Variants in NRG4 observed in about 807,000 individuals in gnomAD.
NRG4 encodes the protein pro-neuregulin-4, membrane-bound isoform.
Under a neutral mutation model 15.0 loss-of-function variants are expected in NRG4, and 10 were observed. That is an observed-to-expected ratio of 0.67 (90% CI 0.41 to 1.13). NRG4 has a LOEUF of 1.13. NRG4 is among the 50% of genes most tolerant of loss of function. The probability of loss-of-function intolerance (pLI) is 0.00; values close to 1 mark genes in which losing one functional copy is unlikely to be tolerated. For synonymous variants in NRG4, 41 were observed against 50.1 expected, an observed-to-expected ratio of 0.82 and a Z score of 0.77; for missense variants, 139 against 140.2, an observed-to-expected ratio of 0.99 and a Z score of 0.04.
intron 5 of NRG4, among the ~76,000 whole-genome samples, chr15:75,955,271 G>A (rs550141868): frequency 1.4e-4 from 22 of 152,024 alleles, no homozygotes; most frequent in African/African-American, 4.6e-4. Flanking sequence ...TTCTCAACTC[G>A]GAGTCAGCCA....
intron 3 of NRG4, among the ~76,000 whole-genome samples, chr15:75,962,852 G>A (rs2032600402): frequency 6.6e-6 from 1 of 152,132 alleles, no homozygotes; most frequent in Admixed American, 6.5e-5. Context: ...CAATAATTCT[G>A]TGTAAAAAAG....
At chr15:76,015,802 G>A (rs527735871), upstream of NRG4, among the ~76,000 whole-genome samples, 4 of 152,096 alleles carry the variant, frequency 2.6e-5, no homozygotes, top group Non-Finnish European at 5.9e-5. Flanking sequence ...TTGGCCTGAA[G>A]TTTTGTTTTC....
Position 76,029,203 on chromosome 15 carries a change from C to T in NRG4, c.-57+6741G>A, listed in dbSNP as rs561710106. Among the ~76,000 whole-genome samples, 45 of 152,180 alleles carry T rather than the reference C, an allele frequency of 3.0e-4. No homozygotes were observed. The East Asian group carries it at 6.6e-3, about 22-fold the overall frequency. On this transcript the variant is annotated intron_variant, in intron 5 of 8. Coordinates refer to the NRG4 transcript ENST00000563910. ...AACAGAATGAAGGAGAAAAACCATA[C>T]GATCATGTCAACAGGTGCAGAAAAG... is the stretch of plus-strand genomic sequence containing the variant.
At chr15:75,947,480 CT>C (rs1204037513) in intron 5 of NRG4, among the ~76,000 whole-genome samples, 2 of 152,186 alleles carry the variant, frequency 1.3e-5, no homozygotes, top group Non-Finnish European at 2.9e-5. Context: ...TCAAAATATT[CT>C]TTCTCCTTTG....
chr15:76,041,564 A>G (rs2035739238), intron 4 of NRG4, among the ~76,000 whole-genome samples: 3 of 152,182 alleles, frequency 2.0e-5, no homozygotes, highest in South Asian at 4.1e-4. Context: ...TTCCATGACA[A>G]AAACTTTTAA....
Position 75,977,779 on chromosome 15 carries a change from C to G in NRG4, c.105-15805G>C, listed in dbSNP as rs1407651885. 3.9e-5 allele frequency among the ~76,000 whole-genome samples: 6 copies of G among 152,146 alleles called. No individual in the cohort carries two copies. Among genetic ancestry groups the G allele is most frequent in the Non-Finnish European group, 2.9e-5 (2 of 68,014 alleles). On this transcript the variant is annotated intron_variant, in intron 3 of 5. Coordinates refer to ENST00000394907, the MANE Select transcript of NRG4 (RefSeq NM_138573.4). The surrounding 1 kb of genome is among the most constrained non-coding windows in gnomAD (Gnocchi z 4.9). Reference sequence around the variant, plus strand: ...TATTTGGCCATCTTATCACTTCTTTCTTTTGGGAACATTCCCAATCTTCTC... The same window carrying G: ...TATTTGGCCATCTTATCACTTCTTTGTTTTGGGAACATTCCCAATCTTCTC...
intron 3 of NRG4, among the ~76,000 whole-genome samples, chr15:75,994,443 T>C (rs1456710344): frequency 1.3e-5 from 2 of 152,250 alleles, no homozygotes; most frequent in African/African-American, 4.8e-5. Flanking sequence ...CAACAAGCCA[T>C]AATAATGGGA....
intron 5 of NRG4, among the ~76,000 whole-genome samples, chr15:75,955,208 C>T (rs2032165072): frequency 1.3e-5 from 2 of 152,088 alleles, no homozygotes; most frequent in African/African-American, 4.8e-5. Context: ...TTTTCCAGGA[C>T]TCTCCTCAGT....
At position 76,030,355 on chromosome 15, in the gene NRG4, A is replaced by G. The variant is rs1273641335; in HGVS notation, c.-57+5589T>C. On this transcript the variant is annotated intron_variant, in intron 5 of 8. Transcript: ENST00000563910. The stretch of plus-strand genomic sequence containing the variant: ...AATATACTACAAAACTGTAGTAACC[A>G]AAACAGCATGGTTCTGGCATAAAAA... Among the ~76,000 whole-genome samples, 4 of 152,202 alleles carry G rather than the reference A, an allele frequency of 2.6e-5. No homozygotes were observed. In the East Asian group the frequency reaches 7.7e-4, roughly 29 times the overall value.
chr15:75,994,695 T>G (rs2034144942), intron 3 of NRG4, among the ~76,000 whole-genome samples: 1 of 152,240 alleles, frequency 6.6e-6, no homozygotes, highest in South Asian at 2.1e-4. Flanking sequence ...TTTAAAAATC[T>G]ATGTGCTTTC....
chr15:75,998,428 T>C (rs562030097), intron 3 of NRG4, among the ~76,000 whole-genome samples: 4 of 152,136 alleles, frequency 2.6e-5, no homozygotes, highest in Admixed American at 6.5e-5. Flanking sequence ...CATGAGGATA[T>C]TGGGGGAGAA....
At chr15:76,032,122 G>T (rs2035488457) in intron 5 of NRG4, among the ~76,000 whole-genome samples, 1 of 152,038 alleles carries the variant, frequency 6.6e-6, no homozygotes, top group Non-Finnish European at 1.5e-5. Flanking sequence ...CAAGCTTTAA[G>T]GTTTGTTTCA....
intron 5 of NRG4, among the ~76,000 whole-genome samples, chr15:76,022,044 G>A (rs1375309961): frequency 1.3e-5 from 2 of 152,120 alleles, no homozygotes; most frequent in East Asian, 1.9e-4. Flanking sequence ...AATCTAATGC[G>A]ACCGCTGATT....
At chr15:75,980,347 G>A (rs977458765) in intron 3 of NRG4, among the ~76,000 whole-genome samples, 2 of 150,230 alleles carry the variant, frequency 1.3e-5, no homozygotes, top group African/African-American at 2.4e-5. Flanking sequence ...AAAAATACTG[G>A]GTAAATTCAA....
At chr15:75,966,111 C>T (rs2032780338) in intron 3 of NRG4, among the ~76,000 whole-genome samples, 3 of 148,936 alleles carry the variant, frequency 2.0e-5, no homozygotes, top group Admixed American at 2.0e-4. Flanking sequence ...TGGCTGAATA[C>T]CACCAATTAT....
At chr15:75,964,314 AAAAAT>A (rs1407550568) in intron 3 of NRG4, among the ~76,000 whole-genome samples, 1 of 151,992 alleles carries the variant, frequency 6.6e-6, no homozygotes, top group Non-Finnish European at 1.5e-5. Flanking sequence ...TTAAAATAAC[AAAAAT>A]AAAATAAAAC....
intron 5 of NRG4, among the ~76,000 whole-genome samples, chr15:75,948,144 C>G (rs1252828984): frequency 6.6e-6 from 1 of 152,044 alleles, no homozygotes; most frequent in African/African-American, 2.4e-5. Context: ...TTTTGATGTG[C>G]CAAAATTTTA....
intron 3 of NRG4, among the ~76,000 whole-genome samples, chr15:75,973,461 G>A (rs2033211633): frequency 6.6e-6 from 1 of 152,214 alleles, no homozygotes; most frequent in Admixed American, 6.5e-5. Context: ...CAAAGGGAAT[G>A]CTTCCAGCTT....
chr15:76,053,632 C>T (rs1050795788), intron 2 of NRG4, among the ~76,000 whole-genome samples: 1 of 150,802 alleles, frequency 6.6e-6, no homozygotes, highest in Admixed American at 6.6e-5. Flanking sequence ...TCTTGGCTCA[C>T]TGCAACCTCC....
Sources: gnomAD v4.1 joint callset for allele counts (sites outside exome capture counted in the v4.1 genomes callset) on GRCh38, gnomAD v4.1.1 for gene constraint, Gnocchi (gnomAD v3.1) non-coding constraint, MANE v1.5 for transcripts, NCBI Gene and HGNC (gene_info 2026-07-23, HGNC 2026-07-21) for gene names.